The following FAM135B variants were observed in gnomAD, a reference collection of about 807,000 sequenced individuals.
FAM135B encodes family with sequence similarity 135 member B, also known as protein FAM135B.
FAM135B carries 43 observed loss-of-function variants against 127.7 expected under a neutral mutation model. The ratio of observed to expected loss-of-function variants is 0.34; its 90% CI spans 0.26 to 0.43. The LOEUF is 0.43. FAM135B is among the 20% of genes least tolerant of loss of function. The pLI, the probability that FAM135B is intolerant of heterozygous loss-of-function variation, is 1.00. For synonymous variants in FAM135B, 670 were observed against 665.1 expected (o/e 1.01, Z -0.11); for missense variants, 1,558 against 1,725.6 (o/e 0.90, Z 1.72).
At chr8:138,135,028 T>C (rs529448812) in intron 19 of FAM135B, among the ~76,000 whole-genome samples, 1 of 152,344 alleles carries the variant, frequency 6.6e-6, no homozygotes, top group South Asian at 2.1e-4. Context: ...TCTGTAAATA[T>C]TTAAGGCTTT....
chr8:138,343,490 G>C (rs1009322352), intron 2 of FAM135B, among the ~76,000 whole-genome samples: 2 of 152,188 alleles, frequency 1.3e-5, no homozygotes, highest in African/African-American at 4.8e-5. Context: ...GACAGCCATG[G>C]ATGGCTGAAC....
intron 1 of FAM135B, among the ~76,000 whole-genome samples, chr8:138,435,246 A>G (rs1413043260): frequency 6.6e-6 from 1 of 152,140 alleles, no homozygotes; most frequent in East Asian, 1.9e-4. Context: ...GCAGTGAGCC[A>G]AGATAGCTCC....
At chr8:138,164,533 C>T (rs1423406758) in intron 12 of FAM135B, among the ~76,000 whole-genome samples, 1 of 152,196 alleles carries the variant, frequency 6.6e-6, no homozygotes, top group East Asian at 1.9e-4. Flanking sequence ...AACCTGCCTC[C>T]CATTCTATTC....
chr8:138,273,661 C>T (rs1050910707), intron 3 of FAM135B, among the ~76,000 whole-genome samples: 2 of 152,070 alleles, frequency 1.3e-5, no homozygotes, highest in African/African-American at 4.8e-5. Flanking sequence ...CTTTTACAGG[C>T]AAAAATGACA....
chr8:138,394,561 C>T (rs149618776), intron 1 of FAM135B, among the ~76,000 whole-genome samples: 423 of 152,278 alleles, frequency 2.8e-3, no homozygotes, highest in African/African-American at 9.6e-3. Flanking sequence ...ACTCGAAGAG[C>T]GCTTTAGACC....
At position 138,146,278 on chromosome 8, in the gene FAM135B, TAG is replaced by T. The variant is rs138882526; in HGVS notation, c.3449-230_3449-229del. ...GTTCTTTCTAGCGGTCCCACCTCGA[TAG>T]AGTTATCCCTGATCTGTGAGCATGT... is the stretch of plus-strand genomic sequence containing the variant. On this transcript the variant is annotated intron_variant, in intron 14 of 19. Coordinates refer to ENST00000395297, the MANE Select transcript of FAM135B (RefSeq NM_015912.4). 3.9e-3 allele frequency among the ~76,000 whole-genome samples: 588 copies of T among 152,228 alleles called. 9 individuals are homozygous for T. Among genetic ancestry groups the T allele is most frequent in the African/African-American group, 0.014 (570 of 41,522 alleles).
chr8:138,148,690 G>C lies in FAM135B; in HGVS notation c.3282-4C>G, dbSNP rs2130695335. 1 of 1,596,150 alleles carries C rather than the reference G, an allele frequency of 6.3e-7. No individual in the cohort carries two copies. The highest frequency in any genetic ancestry group is 8.6e-7 in the Non-Finnish European group (1 of 1,168,732). ...TTTTTCTTTGGCCTGATAAAAACTG[G>C]AGAATACACTAATTAATCACAAGCC... is the stretch of plus-strand genomic sequence containing the variant. On this transcript the variant is annotated splice_region_variant and splice_polypyrimidine_tract_variant and intron_variant, in intron 13 of 19. Coordinates refer to ENST00000395297, the MANE Select transcript of FAM135B (RefSeq NM_015912.4).
chr8:138,135,809 G>T (rs559903750), intron 19 of FAM135B, among the ~76,000 whole-genome samples: 60 of 152,124 alleles, frequency 3.9e-4, no homozygotes, highest in African/African-American at 1.3e-3. Context: ...TTAAATTATG[G>T]TATATGCATA....
intron 9 of FAM135B, among the ~76,000 whole-genome samples, chr8:138,182,934 G>C (rs538562422): frequency 1.3e-5 from 2 of 152,282 alleles, no homozygotes; most frequent in South Asian, 4.1e-4. Context: ...GGCAGCCAGG[G>C]TTGCAAACCC....
chr8:138,137,226 A>C lies in FAM135B; in HGVS notation c.3936T>G (p.Ala1312=). The C allele has an allele frequency of 6.2e-7, 1 of 1,611,790 alleles. No individual in the cohort carries two copies. Among genetic ancestry groups the C allele is most frequent in the Non-Finnish European group, 8.5e-7 (1 of 1,177,834 alleles). The change falls in exon 19 of 20, where the codon GCT becomes GCG. Residue 1312 remains alanine, a synonymous_variant. Transcript: ENST00000395297. ...LQYFKNVVLV[A]SPQDRYVPFH... ...ATGGCACATAACGGTCTTGGGGAGA[A>C]GCAACCAGCACGACGTTTTTAAAAT...
chr8:138,402,512 C>T (rs552284366), intron 1 of FAM135B, among the ~76,000 whole-genome samples: 1 of 152,248 alleles, frequency 6.6e-6, no homozygotes, highest in East Asian at 1.9e-4. Context: ...AACAACATAG[C>T]CAGAGACTCT....
At chr8:138,192,640 G>A (rs562688770) in intron 9 of FAM135B, among the ~76,000 whole-genome samples, 7 of 152,158 alleles carry the variant, frequency 4.6e-5, no homozygotes, top group East Asian at 1.9e-4. Flanking sequence ...CAGACTCAGC[G>A]CAAGAGGACA....
At chr8:138,347,030 A>T in intron 2 of FAM135B, among the ~76,000 whole-genome samples, 1 of 152,242 alleles carries the variant, frequency 6.6e-6, no homozygotes, top group African/African-American at 2.4e-5. Flanking sequence ...ATTGGTACAT[A>T]GGTATCAATT....
chr8:138,192,831 G>C, intron 9 of FAM135B, among the ~76,000 whole-genome samples: 1 of 152,236 alleles, frequency 6.6e-6, no homozygotes, highest in East Asian at 1.9e-4. Context: ...TGCTATCCCC[G>C]TCTTGCTAAA....
intron 1 of FAM135B, chr8:138,437,278 G>C (rs900320855): frequency 2.6e-5 from 4 of 152,184 alleles, no homozygotes; most frequent in African/African-American, 4.8e-5. Context: ...GTTAGGCTTT[G>C]TGTCCCTACC....
chr8:138,454,911 C>T (rs1406474917), intron 1 of FAM135B, among the ~76,000 whole-genome samples: 1 of 152,228 alleles, frequency 6.6e-6, no homozygotes, highest in Non-Finnish European at 1.5e-5. Flanking sequence ...CATTATCCCT[C>T]AGCCCAGGGC....
intron 1 of FAM135B, among the ~76,000 whole-genome samples, chr8:138,488,520 T>A (rs1178045242): frequency 1.3e-5 from 2 of 151,036 alleles, no homozygotes; most frequent in African/African-American, 2.4e-5. Context: ...GGGACTTAGG[T>A]GAGGAAAGGG....
At chr8:138,490,802 T>A (rs1290267851) in intron 1 of FAM135B, among the ~76,000 whole-genome samples, 2 of 152,152 alleles carry the variant, frequency 1.3e-5, no homozygotes, top group Non-Finnish European at 2.9e-5. Flanking sequence ...TGACGTCACT[T>A]CAACGTCTGC....
intron 11 of FAM135B, among the ~76,000 whole-genome samples, chr8:138,171,853 G>A (rs1046227452): frequency 1.3e-5 from 2 of 152,180 alleles, no homozygotes; most frequent in Non-Finnish European, 2.9e-5. Context: ...ATGTGGTTAC[G>A]GGTGTGGCAT....
Sources: allele counts gnomAD v4.1 joint callset (sites outside exome capture counted in the v4.1 genomes callset), GRCh38; gene constraint gnomAD v4.1.1; transcripts MANE v1.5; gene names NCBI Gene and HGNC (gene_info 2026-07-23, HGNC 2026-07-21).